Variants in SCAPER observed in about 807,000 individuals in gnomAD.
The protein encoded by SCAPER is S-phase cyclin A associated protein in the ER, also known as S phase cyclin A-associated protein in the endoplasmic reticulum.
In SCAPER, 98 loss-of-function variants were observed where a neutral mutation model predicts 182.2. The ratio of observed to expected loss-of-function variants is 0.54; its 90% CI spans 0.46 to 0.64. SCAPER has a LOEUF of 0.64. Among genes scored for constraint, SCAPER ranks in the 30% least tolerant of loss-of-function variants. SCAPER has a pLI of 0.00. For synonymous variants in SCAPER, 605 were observed against 564.6 expected (o/e 1.07, Z -1.01); for missense variants, 1,432 against 1,690.0 (o/e 0.85, Z 2.68).
At position 76,765,637 on chromosome 15, in the gene SCAPER, G is replaced by A; in HGVS notation, c.1421C>T (p.Ala474Val). 1.9e-6 allele frequency: 3 copies of A among 1,572,296 alleles called. No homozygotes were observed. Among genetic ancestry groups the A allele is most frequent in the South Asian group, 1.2e-5 (1 of 85,666 alleles). The stretch of plus-strand genomic sequence containing the variant: ...AGAAACACTCCCACTGCCCATGCTG[G>A]CCTAAAATGTAATAAGGGAAGTTGA... ...IETDNDSDFS[A>V]SMGSGSVSFC... is the part of the protein sequence containing the mutation. Residue 474 changes from alanine to valine, a missense_variant and splice_region_variant, in exon 12 of 32, where the codon GCC becomes GTC. Physicochemically the swap from Ala to Val is moderately conservative, Grantham distance 64. Transcript: ENST00000563290.
At chr15:76,703,314 C>G (rs774042339) in intron 18 of SCAPER, among the ~76,000 whole-genome samples, 12 of 152,202 alleles carry the variant, frequency 7.9e-5, no homozygotes, top group African/African-American at 2.9e-4. Flanking sequence ...ACCTCCAGTA[C>G]GTCACTGTGA....
At chr15:76,812,853 CCAAA>C (rs965764380) in intron 5 of SCAPER, among the ~76,000 whole-genome samples, 12 of 150,920 alleles carry the variant, frequency 8.0e-5, no homozygotes, top group East Asian at 3.9e-4. Context: ...CCGAATTCTA[CCAAA>C]CATTCAAAAA....
chr15:76,785,465 T>C (rs925925173), intron 8 of SCAPER, among the ~76,000 whole-genome samples: 3 of 152,220 alleles, frequency 2.0e-5, no homozygotes, highest in Non-Finnish European at 1.5e-5. Flanking sequence ...TGGAAGACAG[T>C]GTGGCGATTC....
At chr15:76,788,533 A>C (rs1371928649) in intron 8 of SCAPER, among the ~76,000 whole-genome samples, 1 of 152,160 alleles carries the variant, frequency 6.6e-6, no homozygotes, top group Non-Finnish European at 1.5e-5. Context: ...GGAGAAAACA[A>C]AACCCAAAAT....
intron 25 of SCAPER, among the ~76,000 whole-genome samples, chr15:76,437,938 CTG>C (rs1212485111): frequency 2.0e-5 from 3 of 152,064 alleles, no homozygotes; most frequent in Non-Finnish European, 4.4e-5. Context: ...TTTCATAAAA[CTG>C]TAACAAGATG....
chr15:76,652,729 T>C (rs565128530), intron 21 of SCAPER, among the ~76,000 whole-genome samples: 1 of 138,322 alleles, frequency 7.2e-6, no homozygotes, highest in African/African-American at 2.5e-5. Context: ...ATAATAATGA[T>C]AATAGTAAGA....
chr15:76,855,755 A>G, intron 4 of SCAPER: 1 of 295,054 alleles, frequency 3.4e-6, no homozygotes. Flanking sequence ...CTATTACTAA[A>G]AAGTCAAAAA....
rs1227833184 is a variant in SCAPER at position 76,731,893 on chromosome 15, GTCA to G, written c.2022+1333_2022+1335del. ...GAATGTTAAAAATTGTGAAGTGAGA[GTCA>G]TCATTTTTAAACGAAAGATAACTGT... On this transcript the variant is annotated intron_variant, in intron 16 of 31. Coordinates refer to ENST00000563290, the MANE Select transcript of SCAPER (RefSeq NM_020843.4). 3.9e-5 allele frequency among the ~76,000 whole-genome samples: 6 copies of G among 152,290 alleles called. No individual in the cohort carries two copies. The East Asian group carries it at 1.2e-3, about 29-fold the overall frequency.
rs778917080 is a variant in SCAPER, at chr15:76,434,080, G to T, written c.3309C>A (p.Ile1103=). 1 of 1,610,568 alleles carries T rather than the reference G, an allele frequency of 6.2e-7. No homozygotes were observed. The highest frequency in any genetic ancestry group is 1.7e-5 in the Admixed American group (1 of 59,654). Reference sequence around the variant, plus strand: ...TTTAAGAACTCTAGCAATTTTACCTGATAAGGTCCTGAACTCGATTGTTAA... The same window carrying T: ...TTTAAGAACTCTAGCAATTTTACCTTATAAGGTCCTGAACTCGATTGTTAA... The part of the protein sequence containing the change: ...DPFNNRVQDL[I]SYVVNMGLID... The change falls in exon 26 of 32, where the codon ATC becomes ATA. Residue 1103 remains isoleucine (I), a splice_region_variant and synonymous_variant. Coordinates refer to ENST00000563290, the MANE Select transcript of SCAPER (RefSeq NM_020843.4).
In SCAPER at chr15:76,510,889, G is replaced by GCA. The variant is rs1567310546; in HGVS notation, c.2839-5916_2839-5915insTG. 8.4e-3 allele frequency among the ~76,000 whole-genome samples: 1,233 copies of GCA among 146,590 alleles called. 11 individuals carry two copies. Among genetic ancestry groups the GCA allele is most frequent in the African/African-American group, 0.032 (1,167 of 36,538 alleles). ...CGTGTGTGTGTGTGTGTGTGTGTGT[G>GCA]CGCGCGCGCACGTATGGAATACTAC... On this transcript the variant is annotated intron_variant, in intron 23 of 31. Transcript: ENST00000563290.
chr15:76,354,238 A>T lies in SCAPER; in HGVS notation c.3856-98T>A. On this transcript the variant is annotated intron_variant, in intron 29 of 31. Transcript: ENST00000563290. The surrounding 1 kb of genome is among the most constrained non-coding windows in gnomAD (Gnocchi z 4.4). ...GGCTAGTACCATGGAAAACATGCTG[A>T]AGGAGTGTAAAGAAAAAGACTCCTG... 9.0e-7 allele frequency: 1 copy of T among 1,111,622 alleles called. No homozygotes were observed. Among genetic ancestry groups the T allele is most frequent in the Non-Finnish European group, 1.2e-6 (1 of 800,662 alleles). The allele number at this position is 1,111,622 out of a possible 1,614,324, so 68.9% of individuals were successfully genotyped here.
chr15:76,539,129 G>A (rs2044484488), intron 23 of SCAPER, among the ~76,000 whole-genome samples: 2 of 151,632 alleles, frequency 1.3e-5, no homozygotes, highest in Non-Finnish European at 2.9e-5. Flanking sequence ...TTCAATAATA[G>A]CAATTGCTAT....
At chr15:76,546,574 C>T (rs2045304614) in intron 23 of SCAPER, among the ~76,000 whole-genome samples, 1 of 152,084 alleles carries the variant, frequency 6.6e-6, no homozygotes, top group South Asian at 2.1e-4. Flanking sequence ...CTACATTTCA[C>T]AGGGGTAAGG....
chr15:76,685,537 A>G (rs960671546), intron 20 of SCAPER, among the ~76,000 whole-genome samples: 5 of 152,116 alleles, frequency 3.3e-5, no homozygotes, highest in African/African-American at 1.2e-4. Flanking sequence ...GCCAGGGGGA[A>G]TTATAAAACC....
intron 26 of SCAPER, among the ~76,000 whole-genome samples, chr15:76,410,407 TA>T (rs1268058973): frequency 6.6e-6 from 1 of 152,216 alleles, no homozygotes; most frequent in Non-Finnish European, 1.5e-5. Flanking sequence ...AATTCTATAA[TA>T]GAGGTATGTT....
intron 17 of SCAPER, among the ~76,000 whole-genome samples, chr15:76,710,390 C>T (rs1461991720): frequency 1.3e-5 from 2 of 152,022 alleles, no homozygotes; most frequent in Non-Finnish European, 2.9e-5. Context: ...GACTTAACTC[C>T]ATCATAAGTT....
chr15:76,665,029 A>C (rs1254413806), intron 21 of SCAPER, among the ~76,000 whole-genome samples: 4 of 152,184 alleles, frequency 2.6e-5, no homozygotes, highest in Admixed American at 6.6e-5. Context: ...TGAATAGCAA[A>C]GGATTATCTG....
intron 5 of SCAPER, among the ~76,000 whole-genome samples, chr15:76,812,051 T>A (rs1474417000): frequency 6.6e-6 from 1 of 152,074 alleles, no homozygotes; most frequent in Non-Finnish European, 1.5e-5. Flanking sequence ...TGGTGGCTCA[T>A]TCCTGTAATC....
chr15:76,813,813 C>A (rs1244049594), intron 5 of SCAPER, among the ~76,000 whole-genome samples: 6 of 152,128 alleles, frequency 3.9e-5, no homozygotes, highest in Non-Finnish European at 8.8e-5. Flanking sequence ...GAAACTGAAG[C>A]AGATGCAAAT....
Sources: allele counts gnomAD v4.1 joint callset (sites outside exome capture counted in the v4.1 genomes callset), GRCh38; gene constraint gnomAD v4.1.1; non-coding constraint Gnocchi (gnomAD v3.1); transcripts MANE v1.5; gene names NCBI Gene and HGNC (gene_info 2026-07-23, HGNC 2026-07-21).